COLEC12: variants seen among roughly 807,000 people sequenced by gnomAD.
The protein encoded by COLEC12 is collectin subfamily member 12.
Under a neutral mutation model 71.1 loss-of-function variants are expected in COLEC12, and 33 were observed. That is an observed-to-expected ratio of 0.46 (90% CI 0.35 to 0.62). The LOEUF (loss-of-function observed/expected upper bound fraction) is 0.62, where lower values mean the gene tolerates loss of function less well. COLEC12 is among the 20% of genes least tolerant of loss of function. COLEC12 has a pLI of 0.00. For synonymous variants in COLEC12, 350 were observed against 353.0 expected (o/e 0.99, Z 0.10); for missense variants, 765 against 916.1 (o/e 0.84, Z 2.13).
chr18:447,063 G>A (rs1361324255), intron 2 of COLEC12, among the ~76,000 whole-genome samples: 2 of 152,192 alleles, frequency 1.3e-5, no homozygotes, highest in African/African-American at 2.4e-5. Context: ...TGGAGGGAGG[G>A]ACTTCACCAT....
chr18:392,045 T>C (rs376117674), intron 2 of COLEC12, among the ~76,000 whole-genome samples: 1 of 152,246 alleles, frequency 6.6e-6, no homozygotes, highest in Non-Finnish European at 1.5e-5. Flanking sequence ...TTGTCTCTAC[T>C]AGCCAGTGTA....
At position 362,501 on chromosome 18, in the gene COLEC12, G is replaced by T. The variant is rs886193735; in HGVS notation, c.59-4979C>A. The stretch of plus-strand genomic sequence containing the variant: ...TGGTTACAAAATAACATTCAAGAGA[G>T]ATATCCCCCTGTTACCAGCCTTTGT... On this transcript the variant is annotated intron_variant, in intron 2 of 9. Coordinates refer to ENST00000400256, the MANE Select transcript of COLEC12 (RefSeq NM_130386.3). The surrounding 1 kb of genome is among the most constrained non-coding windows in gnomAD (Gnocchi z 4.6). 6.6e-6 allele frequency among the ~76,000 whole-genome samples: 1 copy of T among 151,488 alleles called. No homozygotes were observed. Among genetic ancestry groups the T allele is most frequent in the Non-Finnish European group, 1.5e-5 (1 of 67,888 alleles).
intron 2 of COLEC12, among the ~76,000 whole-genome samples, chr18:419,075 A>T (rs1173656727): frequency 6.6e-6 from 1 of 152,222 alleles, no homozygotes; most frequent in African/African-American, 2.4e-5. Flanking sequence ...CAAAATGAAA[A>T]GAGCTGATGT....
At chr18:422,669 GATT>G (rs1238106366) in intron 2 of COLEC12, among the ~76,000 whole-genome samples, 15 of 151,600 alleles carry the variant, frequency 9.9e-5, no homozygotes, top group South Asian at 2.1e-4. Context: ...GATTATTATA[GATT>G]ATTTACAAAA....
chr18:425,355 G>A (rs1045465828), intron 2 of COLEC12, among the ~76,000 whole-genome samples: 1 of 152,072 alleles, frequency 6.6e-6, no homozygotes, highest in Non-Finnish European at 1.5e-5. Context: ...CTCCCACCCA[G>A]GGCTCATTCT....
chr18:363,912 T>C (rs1914800860), intron 2 of COLEC12, among the ~76,000 whole-genome samples: 1 of 152,182 alleles, frequency 6.6e-6, no homozygotes, highest in African/African-American at 2.4e-5. Context: ...TGGATAGCCA[T>C]GAAAACGGAA....
In COLEC12 at chr18:408,028, T is replaced by C. The variant is rs1453787559; in HGVS notation, c.59-50506A>G. ...AATAAATGGCTGGATGAATGATGAA[T>C]ATGACTCATGCAGAGAAGGAATCCA... On this transcript the variant is annotated intron_variant, in intron 2 of 9. Coordinates refer to ENST00000400256, the MANE Select transcript of COLEC12 (RefSeq NM_130386.3). The surrounding 1 kb of genome is among the most constrained non-coding windows in gnomAD (Gnocchi z 4.3). Among the ~76,000 whole-genome samples the C allele has an allele frequency of 1.3e-5, 2 of 152,224 alleles. No homozygotes were observed. The highest frequency in any genetic ancestry group is 2.9e-5 in the Non-Finnish European group (2 of 68,040).
At chr18:440,725 T>C (rs1418867425) in intron 2 of COLEC12, among the ~76,000 whole-genome samples, 1 of 152,192 alleles carries the variant, frequency 6.6e-6, no homozygotes, top group Admixed American at 6.5e-5. Context: ...TAGGAAATAG[T>C]ACTAATACCT....
At chr18:363,349 C>T (rs1333841968) in intron 2 of COLEC12, among the ~76,000 whole-genome samples, 1 of 152,142 alleles carries the variant, frequency 6.6e-6, no homozygotes, top group African/African-American at 2.4e-5. Flanking sequence ...TAGGTGGAGG[C>T]CGGCACTGTG....
At chr18:368,803 T>C (rs1372669408) in intron 2 of COLEC12, among the ~76,000 whole-genome samples, 1 of 152,144 alleles carries the variant, frequency 6.6e-6, no homozygotes, top group Non-Finnish European at 1.5e-5. Flanking sequence ...GAGGCGGAGC[T>C]TGCAGTGAGC....
intron 2 of COLEC12, among the ~76,000 whole-genome samples, chr18:386,809 C>T (rs901242493): frequency 8.5e-5 from 13 of 152,072 alleles, no homozygotes; most frequent in African/African-American, 2.9e-4. Context: ...TATAAGCAAC[C>T]TAGTTTCCAT....
At chr18:365,948 A>C (rs945911939) in intron 2 of COLEC12, among the ~76,000 whole-genome samples, 6 of 152,152 alleles carry the variant, frequency 3.9e-5, no homozygotes, top group African/African-American at 1.4e-4. Context: ...GTTTATACAC[A>C]GCCAGGCTGG....
At chr18:395,639 T>C (rs981901228) in intron 2 of COLEC12, among the ~76,000 whole-genome samples, 1 of 152,186 alleles carries the variant, frequency 6.6e-6, no homozygotes, top group African/African-American at 2.4e-5. Context: ...CCGAGGCGAT[T>C]AGAGTCAGCC....
intron 8 of COLEC12, among the ~76,000 whole-genome samples, chr18:326,955 A>C (rs888688795): frequency 6.6e-6 from 1 of 152,190 alleles, no homozygotes; most frequent in Admixed American, 6.5e-5. Flanking sequence ...CTGCCTTTTT[A>C]AAACATGATC....
chr18:390,076 G>C (rs1356898710), intron 2 of COLEC12, among the ~76,000 whole-genome samples: 1 of 152,142 alleles, frequency 6.6e-6, no homozygotes, highest in East Asian at 1.9e-4. Context: ...ACAAAGCATT[G>C]AGCAAACACA....
At chr18:355,888 CACTT>C in intron 3 of COLEC12, among the ~76,000 whole-genome samples, 1 of 152,314 alleles carries the variant, frequency 6.6e-6, no homozygotes, top group Middle Eastern at 3.4e-3. Context: ...CTTCCTTAAT[CACTT>C]ACTCTGTTTG....
intron 2 of COLEC12, among the ~76,000 whole-genome samples, chr18:378,473 C>T (rs1193638597): frequency 2.6e-5 from 4 of 152,132 alleles, no homozygotes; most frequent in Non-Finnish European, 4.4e-5. Flanking sequence ...CTGAAACGTC[C>T]GATGCAATTG....
At chr18:401,420 A>G (rs1915683736) in intron 2 of COLEC12, among the ~76,000 whole-genome samples, 1 of 152,276 alleles carries the variant, frequency 6.6e-6, no homozygotes, top group African/African-American at 2.4e-5. Context: ...ACAGGGATTC[A>G]ACCCGTATTC....
chr18:430,019 C>T (rs1254179847), intron 2 of COLEC12, among the ~76,000 whole-genome samples: 3 of 152,096 alleles, frequency 2.0e-5, no homozygotes, highest in Non-Finnish European at 4.4e-5. Context: ...AGGGCCTGGC[C>T]TATGGAATTT....
Sources: gnomAD v4.1 joint callset for allele counts (sites outside exome capture counted in the v4.1 genomes callset) on GRCh38, gnomAD v4.1.1 for gene constraint, Gnocchi (gnomAD v3.1) non-coding constraint, MANE v1.5 for transcripts, NCBI Gene and HGNC (gene_info 2026-07-23, HGNC 2026-07-21) for gene names.